Variants in ANGPT4 observed in about 807,000 individuals in gnomAD.
The protein encoded by ANGPT4 is angiopoietin-4.
ANGPT4 carries 50 observed loss-of-function variants against 53.0 expected under a neutral mutation model. That is an observed-to-expected ratio of 0.94 (90% CI 0.75 to 1.20). The LOEUF (loss-of-function observed/expected upper bound fraction) is 1.20, where lower values mean the gene tolerates loss of function less well. ANGPT4 is among the 50% of genes most tolerant of loss of function. The probability of loss-of-function intolerance (pLI) is 0.00; values close to 1 mark genes in which losing one functional copy is unlikely to be tolerated. For missense variants in ANGPT4, 648 were observed against 637.1 expected, an observed-to-expected ratio of 1.02 and a Z score of -0.18; for synonymous variants, 251 against 259.7, an observed-to-expected ratio of 0.97 and a Z score of 0.32.
chr20:895,501 G>A (rs184562314), intron 1 of ANGPT4, among the ~76,000 whole-genome samples: 44 of 152,274 alleles, frequency 2.9e-4, no homozygotes, highest in Admixed American at 1.3e-3. Context: ...TTGCTGGGGA[G>A]AGGGCATTTG....
intron 7 of ANGPT4, among the ~76,000 whole-genome samples, chr20:876,144 CA>C (rs3030778): frequency 0.038 from 3,755 of 99,044 alleles, 70 homozygotes; most frequent in Non-Finnish European, 0.05. Flanking sequence ...AGCCCTGTCT[CA>C]AAAAAAAAAA....
chr20:900,458 T>A (rs571662963), intron 1 of ANGPT4, among the ~76,000 whole-genome samples: 1 of 152,246 alleles, frequency 6.6e-6, no homozygotes, highest in East Asian at 1.9e-4. Flanking sequence ...TCGCACAAGG[T>A]CTCTTCTTCC....
rs1568832682 is a variant in ANGPT4, at chr20:885,068, GCTCA to G, written c.835+6_835+9del. On this transcript the variant is annotated splice_donor_region_variant and intron_variant, in intron 4 of 8. Transcript: ENST00000381922. ...CTTTAGCCACACTGGGGCGCACACC[GCTCA>G]CTCACCCGGGGCCGAGGCGTTAGCC... The G allele has an allele frequency of 6.2e-7, 1 of 1,613,406 alleles. No individual in the cohort carries two copies. The highest frequency in any genetic ancestry group is 1.3e-5 in the African/African-American group (1 of 75,012).
chr20:914,305 AGAG>A lies in ANGPT4; in HGVS notation c.309+1598_309+1600del, dbSNP rs1351274869. 2.0e-5 allele frequency among the ~76,000 whole-genome samples: 3 copies of A among 152,138 alleles called. No homozygotes were observed. The East Asian group carries it at 5.8e-4, about 29-fold the overall frequency. ...AGCCAGCAGAGGGACAAAGGGTGGA[AGAG>A]GAAGGTGGTTATTTCGTACGGGGAG... On this transcript the variant is annotated intron_variant, in intron 1 of 8. Transcript: ENST00000381922. The surrounding 1 kb of genome is among the most constrained non-coding windows in gnomAD (Gnocchi z 5.0).
chr20:915,972 C>G lies in ANGPT4; in HGVS notation c.243G>C (p.Lys81Asn). The change falls in exon 1 of 9, where the codon AAG becomes AAC. Residue 81 changes from lysine to asparagine, a missense_variant. Coordinates refer to ENST00000381922, the MANE Select transcript of ANGPT4 (RefSeq NM_015985.4). ...ESLANPLHLG[K>N]LPTQQVKQLE... is the part of the protein sequence containing the mutation. ...GCTGTTTCACCTGCTGGGTGGGCAACTTCCCCAGGTGCAGTGGGTTGGCCA... is the reference window on the plus strand; with the variant it reads ...GCTGTTTCACCTGCTGGGTGGGCAAGTTCCCCAGGTGCAGTGGGTTGGCCA... The G allele has an allele frequency of 6.2e-7, 1 of 1,610,134 alleles. No individual in the cohort carries two copies. Among genetic ancestry groups the G allele is most frequent in the South Asian group, 1.1e-5 (1 of 90,948 alleles).
chr20:895,300 G>A lies in ANGPT4; in HGVS notation c.310-4932C>T, dbSNP rs77615536. Among the ~76,000 whole-genome samples the A allele has an allele frequency of 9.7e-3, 1,471 of 152,292 alleles. 25 individuals are homozygous for A. Among genetic ancestry groups the A allele is most frequent in the South Asian group, 0.069 (331 of 4,824 alleles). ...TCTCAGGCCTATGATGGGGTACAAA[G>A]GCCTGACCTTTTGTCACCCTTCCAG... On this transcript the variant is annotated intron_variant, in intron 1 of 8. Coordinates refer to ENST00000381922, the MANE Select transcript of ANGPT4 (RefSeq NM_015985.4).
intron 5 of ANGPT4, among the ~76,000 whole-genome samples, chr20:880,131 G>T (rs1981343080): frequency 6.6e-6 from 1 of 152,190 alleles, no homozygotes; most frequent in Non-Finnish European, 1.5e-5. Flanking sequence ...ACCAACTGGG[G>T]TTGTGAAAAT....
At chr20:883,343 C>G (rs1361613905) in intron 4 of ANGPT4, among the ~76,000 whole-genome samples, 1 of 152,252 alleles carries the variant, frequency 6.6e-6, no homozygotes, top group Non-Finnish European at 1.5e-5. Flanking sequence ...TTGGTCTTTT[C>G]TGCCTGTGCC....
rs1482484640 is a variant in ANGPT4, at chr20:870,480, T to A, written c.*2480A>T. 6.6e-6 allele frequency: 1 copy of A among 152,180 alleles called. No individual in the cohort carries two copies. The highest frequency in any genetic ancestry group is 1.9e-4 in the East Asian group (1 of 5,192). 9.4% of individuals were successfully genotyped at this position (152,180 alleles called of 1,614,324 possible). The stretch of plus-strand genomic sequence containing the variant: ...AGGCAGAGATTGCAGTGATCTGAGA[T>A]CATGCCACTGCACTCCAGCCTGGGT... On this transcript the variant is annotated 3_prime_UTR_variant, in exon 9 of 9. Transcript: ENST00000381922.
intron 1 of ANGPT4, 121 bp downstream of exon 1, chr20:915,785 G>A (rs1982906321): frequency 7.9e-7 from 1 of 1,264,206 alleles, no homozygotes; most frequent in South Asian, 1.6e-5. Context: ...GCCCCTCTTT[G>A]TGCAGCTCAG....
chr20:894,978 A>T (rs561373788), intron 1 of ANGPT4, among the ~76,000 whole-genome samples: 1 of 152,080 alleles, frequency 6.6e-6, no homozygotes, highest in Non-Finnish European at 1.5e-5. Context: ...GCTGGATCCC[A>T]TCACCCAGTT....
At chr20:902,959 C>G (rs1982342219) in intron 1 of ANGPT4, among the ~76,000 whole-genome samples, 1 of 152,180 alleles carries the variant, frequency 6.6e-6, no homozygotes, top group South Asian at 2.1e-4. Context: ...AGTCACTTCC[C>G]TGAGGTCACC....
chr20:896,619 G>T (rs1353033048), intron 1 of ANGPT4, among the ~76,000 whole-genome samples: 2 of 152,228 alleles, frequency 1.3e-5, no homozygotes, highest in African/African-American at 4.8e-5. Flanking sequence ...AATGCATCTT[G>T]TCAACTGCAG....
chr20:873,133 G>A lies in ANGPT4; in HGVS notation c.1352-13C>T. The A allele has an allele frequency of 1.9e-6, 3 of 1,613,160 alleles. No individual in the cohort carries two copies. The highest frequency in any genetic ancestry group is 2.5e-6 in the Non-Finnish European group (3 of 1,179,746). ...TCAAACCACCACCCTGGTGGAAGAG[G>A]GAGGACAGGCGCTTGGTGGAGGTGG... On this transcript the variant is annotated splice_polypyrimidine_tract_variant and intron_variant, in intron 8 of 8. Transcript: ENST00000381922.
chr20:902,355 A>T (rs191393266), intron 1 of ANGPT4, among the ~76,000 whole-genome samples: 2 of 150,522 alleles, frequency 1.3e-5, no homozygotes, highest in East Asian at 3.9e-4. Context: ...AAAAAAGGAC[A>T]TGCTTTTCCC....
In ANGPT4 at chr20:878,248, A is replaced by G; in HGVS notation, c.1133T>C (p.Leu378Pro). Residue 378 changes from leucine (L) to proline (P), a missense_variant, in exon 7 of 9, where the codon CTG becomes CCG. Leu to Pro is a moderately conservative substitution (Grantham distance 98). Transcript: ENST00000381922. ...HQLTRRAAYS[L>P]RVELQDWEGH... is the part of the protein sequence containing the mutation. ...TTCCCAGTCTTGCAGCTCCACACGC[A>G]GAGAGTAGGCTGCCCTTCTGGTGAG... 2 of 1,613,508 alleles carry G rather than the reference A, an allele frequency of 1.2e-6. No individual in the cohort carries two copies. Among genetic ancestry groups the G allele is most frequent in the Non-Finnish European group, 1.7e-6 (2 of 1,179,458 alleles).
intron 1 of ANGPT4, among the ~76,000 whole-genome samples, chr20:891,810 G>A (rs934714029): frequency 2.0e-5 from 3 of 152,222 alleles, no homozygotes; most frequent in Non-Finnish European, 2.9e-5. Context: ...TCCTGGAGCG[G>A]GTGCTTGTGG....
At chr20:890,508 C>A in intron 1 of ANGPT4, 140 bp from the exon 2 acceptor site, 1 of 726,700 alleles carries the variant, frequency 1.4e-6, no homozygotes, top group South Asian at 1.9e-5. Context: ...GTCAGGCCAC[C>A]ATTACGTCTT....
chr20:876,945 G>C (rs1381370510), intron 7 of ANGPT4, among the ~76,000 whole-genome samples: 1 of 152,188 alleles, frequency 6.6e-6, no homozygotes, highest in Non-Finnish European at 1.5e-5. Context: ...TACTTGGGAG[G>C]CTGAGGTGGG....
Sources: gnomAD v4.1 joint callset for allele counts (sites outside exome capture counted in the v4.1 genomes callset) on GRCh38, gnomAD v4.1.1 for gene constraint, Gnocchi (gnomAD v3.1) non-coding constraint, MANE v1.5 for transcripts, NCBI Gene and HGNC (gene_info 2026-07-23, HGNC 2026-07-21) for gene names.